ERGIC2: variants seen among roughly 807,000 people sequenced by gnomAD.
ERGIC2 encodes the protein endoplasmic reticulum-Golgi intermediate compartment protein 2.
A neutral mutation model predicts 52.5 loss-of-function variants in ERGIC2; 31 were observed. That is an observed-to-expected ratio of 0.59 (90% CI 0.44 to 0.80). The LOEUF is 0.80. ERGIC2 is among the 30% of genes least tolerant of loss of function. ERGIC2 has a pLI of 0.00. For missense variants in ERGIC2, 395 were observed against 455.2 expected (o/e 0.87, Z 1.20); for synonymous variants, 129 against 140.6 (o/e 0.92, Z 0.58).
At chr12:29,373,145 T>C (rs1940467156) in intron 1 of ERGIC2, among the ~76,000 whole-genome samples, 2 of 152,188 alleles carry the variant, frequency 1.3e-5, no homozygotes, top group South Asian at 2.1e-4. Context: ...TGAATTTTAA[T>C]TGCCTTTACA....
Position 29,366,954 on chromosome 12 carries a change from A to T in ERGIC2, c.263-7T>A. The stretch of plus-strand genomic sequence containing the variant: ...AATACATCCGCTCCAACATCTGCAT[A>T]GAAAAAAGAATTAGAAGTTTTACAT... On this transcript the variant is annotated splice_region_variant and splice_polypyrimidine_tract_variant and intron_variant, in intron 4 of 13. Transcript: ENST00000360150. 1.3e-6 allele frequency: 2 copies of T among 1,583,844 alleles called. No individual in the cohort carries two copies. Among genetic ancestry groups the T allele is most frequent in the Non-Finnish European group, 1.7e-6 (2 of 1,161,710 alleles).
chr12:29,372,361 T>C (rs868833208), intron 1 of ERGIC2: 2 of 149,780 alleles, frequency 1.3e-5, no homozygotes, highest in Admixed American at 1.3e-4. Flanking sequence ...ATAAAAATAA[T>C]AATAATAATA....
In ERGIC2 at chr12:29,339,307, T is replaced by C. The variant is rs1278184620; in HGVS notation, c.*1849A>G. 1.3e-5 allele frequency: 2 copies of C among 152,186 alleles called. No individual in the cohort carries two copies. The highest frequency in any genetic ancestry group is 4.8e-5 in the African/African-American group (2 of 41,452). The allele number at this position is 152,186 out of a possible 1,614,324, so 9.4% of individuals were successfully genotyped here. A position where few individuals can be genotyped will look rare whatever the true frequency, so the allele number is the denominator to read the frequency against. On this transcript the variant is annotated 3_prime_UTR_variant, in exon 14 of 14. Coordinates refer to ENST00000360150, the MANE Select transcript of ERGIC2 (RefSeq NM_016570.3). The stretch of plus-strand genomic sequence containing the variant: ...GTCCTTTTTAAAGGCACTTAACTGT[T>C]CTAATCCTAAATGAAAGAAAATAAT...
At chr12:29,343,348 G>T in intron 11 of ERGIC2, 66 bp from the exon 12 acceptor site, 2 of 1,316,606 alleles carry the variant, frequency 1.5e-6, no homozygotes, top group Non-Finnish European at 1.0e-6. Flanking sequence ...ATGTCATCTG[G>T]TTACTTACAT....
intron 3 of ERGIC2, among the ~76,000 whole-genome samples, chr12:29,369,247 T>A (rs576112493): frequency 6.6e-6 from 1 of 151,910 alleles, no homozygotes; most frequent in African/African-American, 2.4e-5. Flanking sequence ...TACATAAGAC[T>A]TCATTTGGAA....
chr12:29,362,008 T>G (rs1940292938), intron 5 of ERGIC2, among the ~76,000 whole-genome samples: 1 of 152,172 alleles, frequency 6.6e-6, no homozygotes, highest in African/African-American at 2.4e-5. Context: ...GATGCTAGCA[T>G]GAAATTCACA....
chr12:29,376,821 C>G (rs1940521649), intron 1 of ERGIC2, among the ~76,000 whole-genome samples: 1 of 152,152 alleles, frequency 6.6e-6, no homozygotes, highest in Non-Finnish European at 1.5e-5. Flanking sequence ...CATTGCTATT[C>G]TGTGACAAAA....
At chr12:29,351,600 T>C (rs1311162132) in intron 8 of ERGIC2, among the ~76,000 whole-genome samples, 1 of 152,198 alleles carries the variant, frequency 6.6e-6, no homozygotes. Context: ...TATTAGATAC[T>C]GCTCTCAATG....
intron 2 of ERGIC2, among the ~76,000 whole-genome samples, chr12:29,370,746 C>T (rs1289757731): frequency 2.0e-5 from 3 of 151,942 alleles, no homozygotes; most frequent in African/African-American, 7.2e-5. Context: ...ATCTGTGTGC[C>T]AGAAACTCAA....
At position 29,359,981 on chromosome 12, in the gene ERGIC2, T is replaced by A. The variant is rs151114782; in HGVS notation, c.374+1664A>T. On this transcript the variant is annotated intron_variant, in intron 6 of 13. Transcript: ENST00000360150. ...ATAGGCAAACATTTTCACAAAAAAATACAAATAAGGAAAAAAACCTCACAA... is the reference window on the plus strand; with the variant it reads ...ATAGGCAAACATTTTCACAAAAAAAAACAAATAAGGAAAAAAACCTCACAA... Among the ~76,000 whole-genome samples, 46 of 151,586 alleles carry A rather than the reference T, an allele frequency of 3.0e-4. No individual in the cohort carries two copies. In the East Asian group the frequency reaches 7.5e-3, roughly 25 times the overall value.
rs1565534180 is a variant in ERGIC2, at chr12:29,340,918, A to T, written c.*238T>A. 1 of 532,694 alleles carries T rather than the reference A, an allele frequency of 1.9e-6. No homozygotes were observed. The highest frequency in any genetic ancestry group is 3.9e-5 in the East Asian group (1 of 25,462). The allele number at this position is 532,694 out of a possible 1,614,324, so 33.0% of individuals were successfully genotyped here. On this transcript the variant is annotated 3_prime_UTR_variant, in exon 14 of 14. Coordinates refer to ENST00000360150, the MANE Select transcript of ERGIC2 (RefSeq NM_016570.3). ...AAGAAGGCGTCATCTTCAAAGCAAC[A>T]CTCCAGTTGGGCTTCTTCATCGTTT...
chr12:29,349,298 A>G (rs999508300), intron 9 of ERGIC2, 121 bp from the exon 10 acceptor site: 10 of 460,424 alleles, frequency 2.2e-5, no homozygotes, highest in African/African-American at 1.4e-4. Context: ...CTTCAAGGAT[A>G]ATAATACAGT....
At chr12:29,367,833 T>G (rs960056587) in intron 4 of ERGIC2, among the ~76,000 whole-genome samples, 9 of 151,882 alleles carry the variant, frequency 5.9e-5, no homozygotes, top group African/African-American at 2.2e-4. Flanking sequence ...CACCATTAAC[T>G]TAAAATAACT....
At position 29,360,640 on chromosome 12, in the gene ERGIC2, TATC is replaced by T. The variant is rs1393780637; in HGVS notation, c.374+1002_374+1004del. On this transcript the variant is annotated intron_variant, in intron 6 of 13. Coordinates refer to ENST00000360150, the MANE Select transcript of ERGIC2 (RefSeq NM_016570.3). ...TATTATATAGATTATATGTAAGAAT[TATC>T]ATAATTTTGTATATATATACACAGA... is the stretch of plus-strand genomic sequence containing the variant. 4.7e-5 allele frequency among the ~76,000 whole-genome samples: 7 copies of T among 148,062 alleles called. No homozygotes were observed. The East Asian group carries it at 9.7e-4, about 21-fold the overall frequency.
chr12:29,367,293 T>TACTAAGTG (rs1940378108), intron 4 of ERGIC2, among the ~76,000 whole-genome samples: 2 of 151,650 alleles, frequency 1.3e-5, no homozygotes, highest in Non-Finnish European at 3.0e-5. Context: ...TAATCACAAG[T>TACTAAGTG]ACTAAGTGGC....
Position 29,356,395 on chromosome 12 carries a change from T to A in ERGIC2, c.559A>T (p.Ile187Leu). Residue 187 changes from isoleucine (I) to leucine (L), a missense_variant, in exon 8 of 14, where the codon ATA becomes TTA. Physicochemically the swap from Ile to Leu is conservative, Grantham distance 5. Transcript: ENST00000360150. ...AAAAGAACATACTTGCCCACTGTTATGTGAAAATTCCCTGCTACTTTATTG... is the reference window on the plus strand; with the variant it reads ...AAAAGAACATACTTGCCCACTGTTAAGTGAAAATTCCCTGCTACTTTATTG... ...YVNKVAGNFH[I>L]TVGKAIPHPR... The A allele has an allele frequency of 6.3e-7, 1 of 1,575,434 alleles. No individual in the cohort carries two copies. The highest frequency in any genetic ancestry group is 1.1e-5 in the South Asian group (1 of 90,232).
chr12:29,365,170 G>C (rs1940342100), intron 5 of ERGIC2, among the ~76,000 whole-genome samples: 1 of 152,002 alleles, frequency 6.6e-6, no homozygotes, highest in Admixed American at 6.6e-5. Context: ...CTTTATTGCA[G>C]CACCATTCAC....
At chr12:29,369,762 T>A (rs1055239413) in intron 3 of ERGIC2, among the ~76,000 whole-genome samples, 2 of 152,024 alleles carry the variant, frequency 1.3e-5, no homozygotes, top group Non-Finnish European at 2.9e-5. Context: ...GGGTATACAA[T>A]GTATCCTTAG....
At position 29,340,644 on chromosome 12, in the gene ERGIC2, A is replaced by T. The variant is rs556627964; in HGVS notation, c.*512T>A. Reference sequence around the variant, plus strand: ...ACATTAATATGGCTATAACATAGGGACTAGCCCGTTTTTTTTTTTTATTAA... The same window carrying T: ...ACATTAATATGGCTATAACATAGGGTCTAGCCCGTTTTTTTTTTTTATTAA... On this transcript the variant is annotated 3_prime_UTR_variant, in exon 14 of 14. Coordinates refer to ENST00000360150, the MANE Select transcript of ERGIC2 (RefSeq NM_016570.3). The T allele has an allele frequency of 3.6e-6, 1 of 277,994 alleles. No homozygotes were observed. Among genetic ancestry groups the T allele is most frequent in the African/African-American group, 2.3e-5 (1 of 43,292 alleles). The allele number at this position is 277,994 out of a possible 1,614,324, so 17.2% of individuals were successfully genotyped here. A position where few individuals can be genotyped will look rare whatever the true frequency, so the allele number is the denominator to read the frequency against.
Sources: gnomAD v4.1 joint callset for allele counts (sites outside exome capture counted in the v4.1 genomes callset) on GRCh38, gnomAD v4.1.1 for gene constraint, MANE v1.5 for transcripts, NCBI Gene and HGNC (gene_info 2026-07-23, HGNC 2026-07-21) for gene names.